The following ANAPC10 variants were observed in gnomAD, a reference collection of about 807,000 sequenced individuals.
The protein encoded by ANAPC10 is anaphase promoting complex subunit 10.
In ANAPC10, 12 loss-of-function variants were observed where a neutral mutation model predicts 22.0. The observed-to-expected ratio is 0.55, with a 90% CI of 0.35 to 0.88. The LOEUF (loss-of-function observed/expected upper bound fraction) is 0.88. Among genes scored for constraint, ANAPC10 ranks in the 40% least tolerant of loss-of-function variants. The pLI is 0.01. For missense variants in ANAPC10, 188 were observed against 220.9 expected (o/e 0.85, Z 0.94); for synonymous variants, 65 against 69.5 (o/e 0.94, Z 0.32).
At chr4:145,036,988 T>C (rs978375551) in intron 4 of ANAPC10, among the ~76,000 whole-genome samples, 1 of 144,098 alleles carries the variant, frequency 6.9e-6, no homozygotes, top group Non-Finnish European at 1.5e-5. Context: ...TTATACCAAA[T>C]AGATAACGTG....
chr4:145,032,264 G>C (rs898010890), intron 4 of ANAPC10, among the ~76,000 whole-genome samples: 2 of 152,196 alleles, frequency 1.3e-5, no homozygotes, highest in African/African-American at 4.8e-5. Context: ...CTTCCCAGTG[G>C]GCAGAACTTC....
chr4:145,022,656 T>A (rs895661699), intron 4 of ANAPC10, among the ~76,000 whole-genome samples: 4 of 151,650 alleles, frequency 2.6e-5, no homozygotes, highest in African/African-American at 9.7e-5. Flanking sequence ...TATGGAAAAT[T>A]TTTTTTTAAT....
At chr4:145,008,927 T>A (rs890525513) in intron 4 of ANAPC10, among the ~76,000 whole-genome samples, 3 of 151,950 alleles carry the variant, frequency 2.0e-5, no homozygotes, top group African/African-American at 7.3e-5. Flanking sequence ...CATGATTATA[T>A]ATTTAGAAAA....
At chr4:145,067,384 T>C (rs1055173266) in intron 3 of ANAPC10, among the ~76,000 whole-genome samples, 4 of 152,088 alleles carry the variant, frequency 2.6e-5, no homozygotes, top group Non-Finnish European at 4.4e-5. Context: ...AAGAGGGCAA[T>C]ACTTTCCTAT....
chr4:145,034,369 T>A (rs1560851679), intron 4 of ANAPC10, among the ~76,000 whole-genome samples: 1 of 151,986 alleles, frequency 6.6e-6, no homozygotes, highest in Non-Finnish European at 1.5e-5. Context: ...CCAGCCTGCA[T>A]CTTTCTCCTG....
At chr4:145,097,472 A>G in intron 1 of ANAPC10, 1 of 1,286,996 alleles carries the variant, frequency 7.8e-7, no homozygotes, top group South Asian at 1.2e-5. Flanking sequence ...GCTATTCAAA[A>G]TAGGTGCAAT....
At chr4:145,041,163 T>A (rs1338701137) in intron 4 of ANAPC10, among the ~76,000 whole-genome samples, 1 of 152,186 alleles carries the variant, frequency 6.6e-6, no homozygotes, top group Non-Finnish European at 1.5e-5. Context: ...AAAACCCACC[T>A]CATAATTTAC....
At chr4:145,071,081 G>A (rs1481866647) in intron 3 of ANAPC10, among the ~76,000 whole-genome samples, 1 of 152,166 alleles carries the variant, frequency 6.6e-6, no homozygotes, top group Admixed American at 6.5e-5. Context: ...GCACAACACT[G>A]TAAATGTACT....
Position 144,995,442 on chromosome 4 carries a change from T to G in ANAPC10, c.489A>C (p.Glu163Asp). 1 of 1,613,716 alleles carries G rather than the reference T, an allele frequency of 6.2e-7. No homozygotes were observed. Among genetic ancestry groups the G allele is most frequent in the Non-Finnish European group, 8.5e-7 (1 of 1,179,702 alleles). ...TAGGAAATTTACCAATGGAGCTCTC[T>G]TCTACTGGTGTGTATATTTTAATTT... ...MRQIKIYTPV[E>D]ESSIGKFPRC... The change falls in exon 5 of 5, where the codon GAA becomes GAC. Residue 163 changes from glutamate to aspartate, a missense_variant. Transcript: ENST00000507656.
At chr4:145,028,230 G>C (rs745446801) in intron 4 of ANAPC10, among the ~76,000 whole-genome samples, 25 of 152,142 alleles carry the variant, frequency 1.6e-4, no homozygotes, top group Non-Finnish European at 3.2e-4. Context: ...GCCTTAATCT[G>C]GTGGGCACAA....
intron 4 of ANAPC10, among the ~76,000 whole-genome samples, chr4:145,018,359 C>A (rs1263015254): frequency 6.6e-6 from 1 of 152,012 alleles, no homozygotes; most frequent in African/African-American, 2.4e-5. Flanking sequence ...ACTGGCCGGG[C>A]ACCGCGGCTC....
chr4:144,999,211 T>A (rs2126840906), intron 4 of ANAPC10: 1 of 154,334 alleles, frequency 6.5e-6, no homozygotes, highest in Non-Finnish European at 1.4e-5. Context: ...GTACCATTCC[T>A]TCAGAAACTA....
intron 3 of ANAPC10, among the ~76,000 whole-genome samples, chr4:145,078,099 A>G (rs188861093): frequency 1.3e-5 from 2 of 152,294 alleles, no homozygotes; most frequent in Admixed American, 1.3e-4. Flanking sequence ...TTTGCAGACA[A>G]TATAATTCTA....
chr4:145,077,178 G>C (rs140587378), intron 3 of ANAPC10, among the ~76,000 whole-genome samples: 2 of 151,972 alleles, frequency 1.3e-5, no homozygotes, highest in Admixed American at 6.6e-5. Flanking sequence ...CAGCCTGGGC[G>C]ACAGAGCAAG....
intron 4 of ANAPC10, among the ~76,000 whole-genome samples, chr4:145,007,202 C>A (rs1733512408): frequency 6.6e-6 from 1 of 152,106 alleles, no homozygotes. Context: ...GAGACTTTAA[C>A]ACCCCACTGT....
At chr4:145,029,410 C>T (rs1421800949) in intron 4 of ANAPC10, among the ~76,000 whole-genome samples, 2 of 151,976 alleles carry the variant, frequency 1.3e-5, no homozygotes, top group Non-Finnish European at 2.9e-5. Flanking sequence ...CTGGCAGGAC[C>T]CTGGAGGTGA....
chr4:145,034,737 G>A (rs1738246360), intron 4 of ANAPC10, among the ~76,000 whole-genome samples: 1 of 151,762 alleles, frequency 6.6e-6, no homozygotes, highest in Admixed American at 6.6e-5. Flanking sequence ...TCGACCCAGG[G>A]GACAGGGAAG....
intron 4 of ANAPC10, among the ~76,000 whole-genome samples, chr4:145,063,198 CAT>C (rs1295351174): frequency 6.6e-6 from 1 of 152,078 alleles, no homozygotes; most frequent in Non-Finnish European, 1.5e-5. Flanking sequence ...TGAAGTAATG[CAT>C]ATGTTAACTA....
At chr4:145,075,114 G>T (rs1745007695) in intron 3 of ANAPC10, among the ~76,000 whole-genome samples, 1 of 152,036 alleles carries the variant, frequency 6.6e-6, no homozygotes, top group African/African-American at 2.4e-5. Context: ...ACACCAGGAG[G>T]TCTTCATAGA....
Sources: allele counts gnomAD v4.1 joint callset (sites outside exome capture counted in the v4.1 genomes callset), GRCh38; gene constraint gnomAD v4.1.1; transcripts MANE v1.5; gene names NCBI Gene and HGNC (gene_info 2026-07-23, HGNC 2026-07-21).